TENM1: variants seen among roughly 807,000 people sequenced by gnomAD.
The protein encoded by TENM1 is teneurin-1.
TENM1 carries 35 observed loss-of-function variants against 174.8 expected under a neutral mutation model. That is an observed-to-expected ratio of 0.20 (90% CI 0.15 to 0.27). The LOEUF (loss-of-function observed/expected upper bound fraction) is 0.27, where lower values mean the gene tolerates loss of function less well. TENM1 is among the 10% of genes least tolerant of loss of function. The pLI is 1.00. For synonymous variants in TENM1, 781 were observed against 798.7 expected, an observed-to-expected ratio of 0.98 and a Z score of 0.37; for missense variants, 1,633 against 2,130.1, an observed-to-expected ratio of 0.77 and a Z score of 4.59.
At chrX:124,558,806 G>A (rs900701355) in intron 14 of TENM1, among the ~76,000 whole-genome samples, 1 of 110,343 alleles carries the variant, frequency 9.1e-6, no homozygotes, top group African/African-American at 3.3e-5. Context: ...AATGGTAATC[G>A]GAAATCTCAA....
At chrX:124,638,080 T>A (rs748822134) in intron 11 of TENM1, among the ~76,000 whole-genome samples, 1 of 111,815 alleles carries the variant, frequency 8.9e-6, no homozygotes, top group South Asian at 3.8e-4. Flanking sequence ...GGGCTATCAT[T>A]TTTTTCCCTC....
At chrX:125,085,268 A>G in the TENM1 span, among the ~76,000 whole-genome samples, 2 of 110,938 alleles carry the variant, frequency 1.8e-5, no homozygotes, top group African/African-American at 3.3e-5. Context: ...TTATTCTATT[A>G]TAAATGATGT....
At chrX:124,789,606 G>A (rs1212411165) in intron 3 of TENM1, among the ~76,000 whole-genome samples, 1 of 111,326 alleles carries the variant, frequency 9.0e-6, no homozygotes, top group East Asian at 2.8e-4. Flanking sequence ...CTCTAGGGCA[G>A]GGGCAAAATG....
chrX:124,529,989 A>G lies in TENM1; in HGVS notation c.2652-6T>C. The G allele has an allele frequency of 8.3e-7, 1 of 1,207,268 alleles. No homozygotes were observed. Among genetic ancestry groups the G allele is most frequent in the Non-Finnish European group, 1.1e-6 (1 of 894,171 alleles). On this transcript the variant is annotated splice_region_variant and splice_polypyrimidine_tract_variant and intron_variant, in intron 15 of 31. Coordinates refer to ENST00000422452, the Ensembl canonical transcript of TENM1. ...CTCGAATCACACAGGCACGCCTGCA[A>G]CACAAGACCAAAGGCAAACAGAAAA...
the TENM1 span, among the ~76,000 whole-genome samples, chrX:125,048,243 A>ATTT: frequency 3.2e-3 from 205 of 64,166 alleles, no homozygotes; most frequent in Middle Eastern, 0.011. Context: ...GTTTCGAAGC[A>ATTT]TTTTTTTTTT....
chrX:125,163,994 T>C, the TENM1 span, among the ~76,000 whole-genome samples: 1 of 112,045 alleles, frequency 8.9e-6, no homozygotes, highest in South Asian at 3.7e-4. Flanking sequence ...CAAGCTTGTT[T>C]GCCTATAAGC....
At chrX:125,062,585 T>C in the TENM1 span, among the ~76,000 whole-genome samples, 3 of 112,254 alleles carry the variant, frequency 2.7e-5, no homozygotes, top group African/African-American at 6.5e-5. Flanking sequence ...CTGGAATCAA[T>C]AGATAACCCC....
chrX:124,814,055 T>C (rs752848708), intron 3 of TENM1, among the ~76,000 whole-genome samples: 35 of 111,614 alleles, frequency 3.1e-4, no homozygotes, highest in African/African-American at 7.8e-4. Flanking sequence ...GGCTGAAGGA[T>C]AGAATGGCCA....
the TENM1 span, among the ~76,000 whole-genome samples, chrX:125,174,298 T>C: frequency 9.0e-6 from 1 of 111,545 alleles, no homozygotes; most frequent in Non-Finnish European, 1.9e-5. Flanking sequence ...TAAAGGTAGA[T>C]GAAATCCCCA....
chrX:124,790,468 G>C (rs928365086), intron 3 of TENM1, among the ~76,000 whole-genome samples: 3 of 111,725 alleles, frequency 2.7e-5, no homozygotes, highest in Non-Finnish European at 5.6e-5. Context: ...TTTTGGGTAC[G>C]AAGTCACTCA....
At chrX:125,055,349 A>G in the TENM1 span, among the ~76,000 whole-genome samples, 6 of 111,239 alleles carry the variant, frequency 5.4e-5, no homozygotes, top group Non-Finnish European at 9.4e-5. Flanking sequence ...TATTCTTTTA[A>G]TGGAGGAAGA....
intron 18 of TENM1, among the ~76,000 whole-genome samples, chrX:124,515,476 A>G (rs971436750): frequency 1.8e-5 from 2 of 111,932 alleles, no homozygotes; most frequent in African/African-American, 6.5e-5. Context: ...AAGCTCCTTT[A>G]GCTGATAACT....
intron 3 of TENM1, among the ~76,000 whole-genome samples, chrX:124,761,897 G>A (rs1249727086): frequency 9.0e-6 from 1 of 111,637 alleles, no homozygotes; most frequent in African/African-American, 3.3e-5. Flanking sequence ...TACAAGTGAA[G>A]TGGAGCATCT....
At chrX:124,655,298 T>C (rs561056309) in intron 6 of TENM1, among the ~76,000 whole-genome samples, 14 of 112,102 alleles carry the variant, frequency 1.2e-4, no homozygotes, top group Admixed American at 1.0e-3. Flanking sequence ...TTATTTATTG[T>C]CATATTTTCC....
At chrX:124,861,804 C>CTTAT (rs762731968) in intron 3 of TENM1, among the ~76,000 whole-genome samples, 11 of 111,526 alleles carry the variant, frequency 9.9e-5, no homozygotes, top group Middle Eastern at 9.4e-3. Context: ...CATGCATGTG[C>CTTAT]TTATTTATTT....
the TENM1 span, among the ~76,000 whole-genome samples, chrX:125,159,116 A>C: frequency 9.0e-6 from 1 of 111,712 alleles, no homozygotes; most frequent in African/African-American, 3.2e-5. Context: ...GAAATTGGGT[A>C]CTATAGCCCA....
chrX:124,953,425 T>C (rs2058521387), intron 1 of TENM1, among the ~76,000 whole-genome samples: 1 of 111,860 alleles, frequency 8.9e-6, no homozygotes, highest in South Asian at 3.7e-4. Flanking sequence ...TTTACATCAT[T>C]CTTGAACAGT....
chrX:125,157,244 G>A, the TENM1 span, among the ~76,000 whole-genome samples: 265 of 112,067 alleles, frequency 2.4e-3, 3 homozygotes, highest in African/African-American at 7.9e-3. Context: ...ACTTAATTAC[G>A]TAAAAGATGA....
chrX:125,166,989 G>T, the TENM1 span, among the ~76,000 whole-genome samples: 1 of 111,662 alleles, frequency 9.0e-6, no homozygotes, highest in South Asian at 3.7e-4. Flanking sequence ...GTAAAACCCG[G>T]ATGCAGACAG....
Sources: allele counts gnomAD v4.1 joint callset (sites outside exome capture counted in the v4.1 genomes callset), GRCh38; gene constraint gnomAD v4.1.1; transcripts MANE v1.5; gene names NCBI Gene and HGNC (gene_info 2026-07-23, HGNC 2026-07-21).